The following NKAIN2 variants were observed in gnomAD, a reference collection of about 807,000 sequenced individuals.
NKAIN2 encodes sodium/potassium-transporting ATPase subunit beta-1-interacting protein 2.
A neutral mutation model predicts 32.6 loss-of-function variants in NKAIN2; 14 were observed. That is an observed-to-expected ratio of 0.43 (90% CI 0.28 to 0.67). The LOEUF is 0.67. Ranked by LOEUF, NKAIN2 falls within the 30% of genes least tolerant of loss-of-function variation. NKAIN2 has a pLI of 0.17. For missense variants in NKAIN2, 198 were observed against 258.3 expected, an observed-to-expected ratio of 0.77 and a Z score of 1.60; for synonymous variants, 80 against 87.2, an observed-to-expected ratio of 0.92 and a Z score of 0.46.
intron 1 of NKAIN2, among the ~76,000 whole-genome samples, chr6:124,082,182 A>G (rs1784000531): frequency 6.6e-6 from 1 of 152,074 alleles, no homozygotes; most frequent in Admixed American, 6.6e-5. Flanking sequence ...TGAGTTTTGG[A>G]CTATAAATTA....
chr6:124,547,303 C>A (rs144807987), intron 3 of NKAIN2, among the ~76,000 whole-genome samples: 418 of 151,876 alleles, frequency 2.8e-3, no homozygotes, highest in African/African-American at 9.6e-3. Flanking sequence ...TGCTAAAATT[C>A]TTGATTTATT....
At chr6:124,290,854 C>T (rs1193710894) in intron 2 of NKAIN2, among the ~76,000 whole-genome samples, 1 of 152,018 alleles carries the variant, frequency 6.6e-6, no homozygotes, top group East Asian at 1.9e-4. Flanking sequence ...TTGACCATCA[C>T]TATCTGTAGC....
At chr6:124,510,404 T>TTA (rs1778664465) in intron 3 of NKAIN2, among the ~76,000 whole-genome samples, 1 of 152,210 alleles carries the variant, frequency 6.6e-6, no homozygotes, top group Non-Finnish European at 1.5e-5. Context: ...GAATCTGCTG[T>TTA]ATGACATTTT....
chr6:124,755,264 G>A (rs1174461073), intron 4 of NKAIN2, among the ~76,000 whole-genome samples: 1 of 152,126 alleles, frequency 6.6e-6, no homozygotes, highest in African/African-American at 2.4e-5. Flanking sequence ...AAAGATGAAA[G>A]CCAAAGGACT....
intron 2 of NKAIN2, among the ~76,000 whole-genome samples, chr6:124,352,210 C>T (rs1399047524): frequency 6.6e-6 from 1 of 152,146 alleles, no homozygotes; most frequent in Non-Finnish European, 1.5e-5. Context: ...GCATGTAATC[C>T]ATTACCTTTC....
chr6:124,490,182 C>T (rs537787045), intron 3 of NKAIN2, among the ~76,000 whole-genome samples: 3 of 151,708 alleles, frequency 2.0e-5, no homozygotes, highest in Non-Finnish European at 4.4e-5. Flanking sequence ...AGAGTTGCAG[C>T]CAGAGTGTTC....
chr6:123,972,012 C>G (rs1485173634), intron 1 of NKAIN2, among the ~76,000 whole-genome samples: 1 of 152,152 alleles, frequency 6.6e-6, no homozygotes, highest in Admixed American at 6.6e-5. Context: ...AAGCTTTCCC[C>G]TTCCCCAACC....
intron 3 of NKAIN2, among the ~76,000 whole-genome samples, chr6:124,647,779 A>C (rs1784233519): frequency 6.6e-6 from 1 of 152,164 alleles, no homozygotes; most frequent in Admixed American, 6.5e-5. Flanking sequence ...CATGATTCTG[A>C]GAGAAAATCG....
intron 4 of NKAIN2, among the ~76,000 whole-genome samples, chr6:124,785,064 T>TG (rs1484544620): frequency 6.6e-6 from 1 of 151,984 alleles, no homozygotes; most frequent in African/African-American, 2.4e-5. Context: ...AGGACTCCAG[T>TG]GGGGGAAAAA....
intron 1 of NKAIN2, among the ~76,000 whole-genome samples, chr6:124,048,915 A>G (rs1782267710): frequency 6.6e-6 from 1 of 152,088 alleles, no homozygotes; most frequent in African/African-American, 2.4e-5. Context: ...CATTTAATAA[A>G]TTAAACATGG....
intron 1 of NKAIN2, among the ~76,000 whole-genome samples, chr6:124,045,142 G>A (rs944481086): frequency 5.3e-5 from 8 of 151,386 alleles, no homozygotes; most frequent in East Asian, 1.9e-4. Context: ...TTCTTTATAC[G>A]TCAAAACTAT....
At position 124,515,362 on chromosome 6, in the gene NKAIN2, G is replaced by A. The variant is rs936767120; in HGVS notation, c.274-142824G>A. On this transcript the variant is annotated intron_variant, in intron 3 of 6. Transcript: ENST00000368417. ...AGGCTGCTTCCACTCATGGCAGAAG[G>A]TGAAGGGGATTCTGGTTGTTTAAAA... is the stretch of plus-strand genomic sequence containing the variant. Among the ~76,000 whole-genome samples, 3 of 152,150 alleles carry A rather than the reference G, an allele frequency of 2.0e-5. No individual in the cohort carries two copies. In the East Asian group the frequency reaches 5.9e-4, roughly 30 times the overall value.
chr6:124,488,567 A>T (rs2114718645), intron 3 of NKAIN2, among the ~76,000 whole-genome samples: 1 of 152,136 alleles, frequency 6.6e-6, no homozygotes, highest in East Asian at 1.9e-4. Flanking sequence ...ACACATCTTT[A>T]ACTGGTTCTT....
intron 1 of NKAIN2, among the ~76,000 whole-genome samples, chr6:124,049,919 T>A (rs1782327513): frequency 6.6e-6 from 1 of 152,004 alleles, no homozygotes; most frequent in South Asian, 2.1e-4. Flanking sequence ...TCAGAAAGTG[T>A]TTCCTTTAAG....
At chr6:124,472,979 C>T (rs1368530537) in intron 3 of NKAIN2, among the ~76,000 whole-genome samples, 2 of 152,066 alleles carry the variant, frequency 1.3e-5, no homozygotes, top group Non-Finnish European at 2.9e-5. Flanking sequence ...TGCCTCCTCT[C>T]GCTGGAGAAT....
rs185595045 is a variant in NKAIN2 at position 124,033,336 on chromosome 6, T to G, written c.54+229082T>G. Among the ~76,000 whole-genome samples the G allele has an allele frequency of 5.3e-5, 8 of 152,190 alleles. No homozygotes were observed. The East Asian group carries it at 1.5e-3, about 29-fold the overall frequency. ...GTTTTTAAATGTCGGTTAGAAAATA[T>G]CTCAGTAAAAGATCATTTTGCCCTC... On this transcript the variant is annotated intron_variant, in intron 1 of 6. Transcript: ENST00000368417.
chr6:124,240,583 G>A (rs1235644758), intron 1 of NKAIN2, among the ~76,000 whole-genome samples: 2 of 152,020 alleles, frequency 1.3e-5, no homozygotes, highest in Non-Finnish European at 2.9e-5. Flanking sequence ...ATGTGAGGCT[G>A]GTTCAACATA....
chr6:124,109,113 G>A (rs1367537664), intron 1 of NKAIN2, among the ~76,000 whole-genome samples: 1 of 151,902 alleles, frequency 6.6e-6, no homozygotes, highest in Non-Finnish European at 1.5e-5. Flanking sequence ...AATTTTGATA[G>A]GGATTGCATT....
intron 3 of NKAIN2, among the ~76,000 whole-genome samples, chr6:124,562,619 ATTCAT>A (rs1780737761): frequency 6.6e-6 from 1 of 152,180 alleles, no homozygotes; most frequent in Non-Finnish European, 1.5e-5. Flanking sequence ...TTATTTATCA[ATTCAT>A]TTAAGAACAA....
Sources: allele counts gnomAD v4.1 joint callset (sites outside exome capture counted in the v4.1 genomes callset), GRCh38; gene constraint gnomAD v4.1.1; transcripts MANE v1.5; gene names NCBI Gene and HGNC (gene_info 2026-07-23, HGNC 2026-07-21).